The following MED24 variants were observed in gnomAD, a reference collection of about 807,000 sequenced individuals.
MED24 encodes mediator of RNA polymerase II transcription subunit 24.
A neutral mutation model predicts 118.8 loss-of-function variants in MED24; 74 were observed. The observed-to-expected ratio is 0.62, with a 90% CI of 0.52 to 0.76. MED24 has a LOEUF of 0.76. MED24 is among the 30% of genes least tolerant of loss of function. The pLI is 0.00. For synonymous variants in MED24, 521 were observed against 523.9 expected (o/e 0.99, Z 0.08); for missense variants, 1,041 against 1,278.9 (o/e 0.81, Z 2.84).
chr17:40,031,926 G>T, intron 10 of MED24, 117 bp downstream of exon 10: 2 of 1,203,586 alleles, frequency 1.7e-6, no homozygotes, highest in Non-Finnish European at 2.4e-6. Flanking sequence ...ACGCTGAGGT[G>T]TACACTCACA....
At chr17:40,020,105 G>GCCCCCCCCC in intron 24 of MED24, 168 bp downstream of exon 24, 1 of 716,080 alleles carries the variant, frequency 1.4e-6, no homozygotes, top group Non-Finnish European at 2.3e-6. Context: ...GGAGGAGGGG[G>GCCCCCCCCC]AACTAGACAG....
Position 40,027,918 on chromosome 17 carries a change from C to T in MED24, c.1438G>A (p.Glu480Lys), listed in dbSNP as rs942852445. 6.2e-7 allele frequency: 1 copy of T among 1,613,690 alleles called. No individual in the cohort carries two copies. Among genetic ancestry groups the T allele is most frequent in the Non-Finnish European group, 8.5e-7 (1 of 1,179,972 alleles). ...CACAGGGCTGACTTACTGCTTTCTT[C>T]GCTGCCATAGGTTGTGAATTCATTC... The part of the protein sequence containing the change: ...NLNEFTTYGS[E>K]ESTKPASVRA... Residue 480 changes from glutamate (E) to lysine (K), a missense_variant, in exon 15 of 26, where the codon GAA becomes AAA. This residue lies in a region of MED24 where 587 missense variants were observed against 694.4 expected (regional missense o/e 0.85). Coordinates refer to ENST00000394128, the MANE Select transcript of MED24 (RefSeq NM_014815.4).
chr17:40,052,020 C>G (rs1331294861), intron 3 of MED24, among the ~76,000 whole-genome samples: 1 of 152,034 alleles, frequency 6.6e-6, no homozygotes, highest in African/African-American at 2.4e-5. Context: ...GATGGCCAGG[C>G]ACGGTGGCTC....
intron 18 of MED24, 117 bp downstream of exon 18, chr17:40,026,530 A>G (rs1352114028): frequency 2.6e-6 from 3 of 1,159,356 alleles, no homozygotes; most frequent in Non-Finnish European, 3.7e-6. Flanking sequence ...CAAAATATCA[A>G]TATCAAAACA....
At chr17:40,046,607 G>A (rs1598369896) in intron 3 of MED24, among the ~76,000 whole-genome samples, 2 of 149,220 alleles carry the variant, frequency 1.3e-5, no homozygotes, top group South Asian at 2.1e-4. Context: ...TTAGCCGGGC[G>A]TAGTGGCGGG....
At chr17:40,044,257 C>T (rs1307352795) in intron 3 of MED24, among the ~76,000 whole-genome samples, 2 of 151,862 alleles carry the variant, frequency 1.3e-5, no homozygotes, top group East Asian at 3.9e-4. Context: ...CAGTGGCTTA[C>T]GCCTGTAATC....
chr17:40,035,584 G>A, intron 5 of MED24, 138 bp downstream of exon 5: 2 of 959,412 alleles, frequency 2.1e-6, no homozygotes, highest in South Asian at 1.6e-5. Flanking sequence ...GGAGGGCACA[G>A]GTAAGTGTAG....
At chr17:40,022,283 T>C in intron 22 of MED24, 111 bp downstream of exon 22, 1 of 1,179,374 alleles carries the variant, frequency 8.5e-7, no homozygotes, top group Non-Finnish European at 1.2e-6. Context: ...CAGGCACAGC[T>C]GCCCCAAGGG....
intron 15 of MED24, 63 bp downstream of exon 15, chr17:40,027,846 C>T: frequency 1.3e-6 from 2 of 1,566,256 alleles, no homozygotes. Context: ...CTCCCTCCCA[C>T]ACTCTCCCGC....
chr17:40,029,775 C>T lies in MED24; in HGVS notation c.1239G>A (p.Ala413=), dbSNP rs374127068. 3.5e-5 allele frequency: 56 copies of T among 1,614,048 alleles called. No individual in the cohort carries two copies. Among genetic ancestry groups the T allele is most frequent in the Admixed American group, 5.0e-5 (3 of 60,004 alleles). Reference sequence around the variant, plus strand: ...TGAGGATGTTTGTGACAGTGGGCTCCGCCCGGAGGATCAGCTGGATGTTGG... The same window carrying T: ...TGAGGATGTTTGTGACAGTGGGCTCTGCCCGGAGGATCAGCTGGATGTTGG... ...IQPNIQLILR[A]EPTVTNILKT... is the part of the protein sequence containing the mutation. The change falls in exon 13 of 26, where the codon GCG becomes GCA. Residue 413 remains alanine (A), a synonymous_variant. Transcript: ENST00000394128.
intron 3 of MED24, 121 bp downstream of exon 3, chr17:40,053,177 C>T (rs1213911484): frequency 1.4e-5 from 13 of 952,742 alleles, no homozygotes; most frequent in East Asian, 1.3e-4. Flanking sequence ...TCAAGCAATC[C>T]GCCTGCCTCA....
chr17:40,053,651 A>C lies in MED24; in HGVS notation c.-37-16T>G, dbSNP rs1986064008. On this transcript the variant is annotated splice_polypyrimidine_tract_variant and intron_variant, in intron 1 of 25. Transcript: ENST00000394128. ...TGGCGGCCAGCTTTGAGGTGAAAGA[A>C]ATGGAGCTAAAGAAAAGGACATGAG... 8 of 1,612,946 alleles carry C rather than the reference A, an allele frequency of 5.0e-6. No homozygotes were observed. The highest frequency in any genetic ancestry group is 1.7e-5 in the Admixed American group (1 of 60,004).
Position 40,028,112 on chromosome 17 carries a change from T to A in MED24, c.1410-166A>T, listed in dbSNP as rs546237686. ...AAAAGGTTTTTGTGGTTTTTGTTTT[T>A]TGTTTTTTTTTTGTTTTTTTTGAGA... On this transcript the variant is annotated intron_variant, in intron 14 of 25. Coordinates refer to ENST00000394128, the MANE Select transcript of MED24 (RefSeq NM_014815.4). The A allele has an allele frequency of 1.2e-5, 9 of 730,120 alleles. No homozygotes were observed. The South Asian group carries it at 1.6e-4, about 13-fold the overall frequency. The allele number at this position is 730,120 out of a possible 1,614,324, so 45.2% of individuals were successfully genotyped here. A position where few individuals can be genotyped will look rare whatever the true frequency, so the allele number is the denominator to read the frequency against.
At chr17:40,050,378 T>C (rs183477737) in intron 3 of MED24, among the ~76,000 whole-genome samples, 176 of 150,940 alleles carry the variant, frequency 1.2e-3, no homozygotes, top group African/African-American at 3.9e-3. Flanking sequence ...GCCCAGGAGG[T>C]GGAGGTCACA....
intron 19 of MED24, 138 bp downstream of exon 19, chr17:40,026,018 A>C: frequency 1.2e-6 from 1 of 834,520 alleles, no homozygotes. Flanking sequence ...AGATGAGTGA[A>C]TGCATGAATA....
chr17:40,027,122 G>GGGT (rs1982758014), intron 16 of MED24, 88 bp from the exon 17 acceptor site: 1 of 1,494,144 alleles, frequency 6.7e-7, no homozygotes, highest in African/African-American at 1.4e-5. Context: ...TTTCCCGCCA[G>GGGT]GCTGCTGCTC....
rs72045810 is a variant in MED24 at position 40,030,663 on chromosome 17, T to TTA, written c.1154+495_1154+496insTA. Among the ~76,000 whole-genome samples the TTA allele has an allele frequency of 8.7e-4, 63 of 72,056 alleles. 1 individual carries two copies. The highest frequency in any genetic ancestry group is 4.0e-3 in the South Asian group (6 of 1,498). The allele number at this position is 72,056 out of a possible 152,430, so 47.3% of individuals were successfully genotyped here. Reference sequence around the variant, plus strand: ...AAGATTCAGGATTTTTATTTATTTATTTATTTTTTTTTTGAGACAAGGTCT... The same window carrying TTA: ...AAGATTCAGGATTTTTATTTATTTATTATTATTTTTTTTTTGAGACAAGGTCT... On this transcript the variant is annotated intron_variant, in intron 12 of 25. Coordinates refer to ENST00000394128, the MANE Select transcript of MED24 (RefSeq NM_014815.4).
chr17:40,020,067 G>C, intron 24 of MED24, 134 bp from the exon 25 acceptor site: 1 of 1,210,466 alleles, frequency 8.3e-7, no homozygotes, highest in Non-Finnish European at 1.2e-6. Context: ...GTGTCAGAGA[G>C]AGAAAATATA....
chr17:40,035,484 T>C (rs959057482), intron 5 of MED24, 135 bp from the exon 6 acceptor site: 5 of 1,056,386 alleles, frequency 4.7e-6, no homozygotes, highest in Non-Finnish European at 6.7e-6. Flanking sequence ...CTGGGGAAGA[T>C]GCTTAGCCCC....
Sources: allele counts gnomAD v4.1 joint callset (sites outside exome capture counted in the v4.1 genomes callset), GRCh38; gene constraint gnomAD v4.1.1; regional missense constraint gnomAD v4.1.1; transcripts MANE v1.5; gene names NCBI Gene and HGNC (gene_info 2026-07-23, HGNC 2026-07-21).